Variants in IGF1R observed in about 807,000 individuals in gnomAD.
IGF1R encodes insulin like growth factor 1 receptor, also known as insulin-like growth factor 1 receptor.
In IGF1R, 44 loss-of-function variants were observed where a neutral mutation model predicts 144.6. The observed-to-expected ratio is 0.30, with a 90% confidence interval of 0.24 to 0.39. The LOEUF is 0.39. IGF1R is among the 10% of genes least tolerant of loss of function. IGF1R has a pLI of 1.00. For synonymous variants in IGF1R, 795 were observed against 722.8 expected, an observed-to-expected ratio of 1.10 and a Z score of -1.60; for missense variants, 1,355 against 1,833.7, an observed-to-expected ratio of 0.74 and a Z score of 4.77.
chr15:98,674,960 A>C (rs1467838289), intron 1 of IGF1R, among the ~76,000 whole-genome samples: 11 of 148,694 alleles, frequency 7.4e-5, no homozygotes, highest in Non-Finnish European at 1.5e-4. Flanking sequence ...ATAAATGCTA[A>C]ATTTAGGTAT....
intron 2 of IGF1R, among the ~76,000 whole-genome samples, chr15:98,732,398 T>C (rs923421235): frequency 2.0e-5 from 3 of 152,188 alleles, no homozygotes; most frequent in African/African-American, 7.2e-5. Flanking sequence ...TGGCCCTGTC[T>C]GCCTTCCCTA....
intron 2 of IGF1R, among the ~76,000 whole-genome samples, chr15:98,741,163 T>C (rs936123193): frequency 1.3e-4 from 20 of 152,008 alleles, no homozygotes; most frequent in Admixed American, 3.3e-4. Context: ...CGTGTTGACA[T>C]GTCCATTTTC....
At chr15:98,852,344 C>G (rs1035894397) in intron 2 of IGF1R, among the ~76,000 whole-genome samples, 10 of 152,158 alleles carry the variant, frequency 6.6e-5, no homozygotes, top group African/African-American at 2.4e-4. Context: ...GAGCGGGCAC[C>G]CCGCGCCCGC....
intron 19 of IGF1R, among the ~76,000 whole-genome samples, chr15:98,944,086 T>G (rs997485985): frequency 6.6e-6 from 1 of 152,172 alleles, no homozygotes; most frequent in Non-Finnish European, 1.5e-5. Context: ...GCATGGTGTT[T>G]AGAGATTGGG....
At chr15:98,756,876 A>C (rs961246322) in intron 2 of IGF1R, among the ~76,000 whole-genome samples, 4 of 152,066 alleles carry the variant, frequency 2.6e-5, no homozygotes, top group African/African-American at 9.7e-5. Context: ...ATTACTTAGA[A>C]GTATGTCTGT....
chr15:98,773,149 A>C (rs1415863970), intron 2 of IGF1R, among the ~76,000 whole-genome samples: 1 of 152,140 alleles, frequency 6.6e-6, no homozygotes, highest in Non-Finnish European at 1.5e-5. Flanking sequence ...TACTGTACTC[A>C]GTTCTTTTTT....
intron 2 of IGF1R, among the ~76,000 whole-genome samples, chr15:98,713,530 G>C (rs1055631828): frequency 1.3e-5 from 2 of 152,170 alleles, no homozygotes; most frequent in Admixed American, 1.3e-4. Context: ...ATGATTCCAG[G>C]CCAAAGATGA....
chr15:98,886,906 G>T (rs914632382), intron 2 of IGF1R, among the ~76,000 whole-genome samples: 3 of 152,210 alleles, frequency 2.0e-5, no homozygotes, highest in Non-Finnish European at 2.9e-5. Context: ...GGGGAGCATG[G>T]TGTCCGTCTC....
At chr15:98,671,396 A>G (rs565102103) in intron 1 of IGF1R, among the ~76,000 whole-genome samples, 14 of 152,280 alleles carry the variant, frequency 9.2e-5, no homozygotes, top group African/African-American at 3.4e-4. Flanking sequence ...TGCAGAAACC[A>G]TGGGCTATCA....
intron 2 of IGF1R, among the ~76,000 whole-genome samples, chr15:98,736,300 T>C (rs915513924): frequency 9.2e-5 from 14 of 152,232 alleles, no homozygotes; most frequent in African/African-American, 3.4e-4. Flanking sequence ...ATATTATCAA[T>C]TTAACAGCAT....
chr15:98,834,404 T>A (rs1301776942), intron 2 of IGF1R, among the ~76,000 whole-genome samples: 1 of 152,202 alleles, frequency 6.6e-6, no homozygotes, highest in Admixed American at 6.5e-5. Flanking sequence ...TTCAGCAATA[T>A]CATCAGAGCT....
intron 1 of IGF1R, among the ~76,000 whole-genome samples, chr15:98,695,922 T>C (rs1031134611): frequency 5.9e-5 from 9 of 152,000 alleles, no homozygotes; most frequent in African/African-American, 2.2e-4. Flanking sequence ...CACTGACTTA[T>C]CTCTCTTAAT....
chr15:98,724,238 C>A (rs905767813), intron 2 of IGF1R, among the ~76,000 whole-genome samples: 1 of 152,166 alleles, frequency 6.6e-6, no homozygotes. Context: ...GAACCAAGAA[C>A]CTGTGAGCTT....
chr15:98,922,895 T>C (rs2015551127), intron 11 of IGF1R, among the ~76,000 whole-genome samples: 1 of 152,180 alleles, frequency 6.6e-6, no homozygotes, highest in African/African-American at 2.4e-5. Context: ...GGCTTTCCCT[T>C]GTTGTTAGAC....
chr15:98,848,930 A>G (rs2011443861), intron 2 of IGF1R, among the ~76,000 whole-genome samples: 2 of 152,268 alleles, frequency 1.3e-5, no homozygotes, highest in African/African-American at 4.8e-5. Context: ...GACAACTGGA[A>G]TAAATGGAAA....
rs76013292 is a variant in IGF1R at position 98,861,454 on chromosome 15, C to G, written c.641-29871C>G. ...TGCTCCTTAGTGTTCATAACCCCAACCTCCATGGCCTCTCTCGCAGTTCTC... is the reference window on the plus strand; with the variant it reads ...TGCTCCTTAGTGTTCATAACCCCAAGCTCCATGGCCTCTCTCGCAGTTCTC... On this transcript the variant is annotated intron_variant, in intron 2 of 20. Coordinates refer to ENST00000650285, the MANE Select transcript of IGF1R (RefSeq NM_000875.5). Among the ~76,000 whole-genome samples, 219 of 152,294 alleles carry G rather than the reference C, an allele frequency of 1.4e-3. 3 individuals are homozygous for G. In the East Asian group the frequency reaches 0.038, roughly 26 times the overall value.
At chr15:98,884,594 G>A (rs2013544533) in intron 2 of IGF1R, among the ~76,000 whole-genome samples, 1 of 145,826 alleles carries the variant, frequency 6.9e-6, no homozygotes, top group African/African-American at 2.5e-5. Flanking sequence ...CAGGAGAATG[G>A]CAAGAATCCG....
intron 2 of IGF1R, among the ~76,000 whole-genome samples, chr15:98,779,830 CAG>C (rs2055811900): frequency 6.6e-6 from 1 of 152,132 alleles, no homozygotes; most frequent in Non-Finnish European, 1.5e-5. Context: ...CCTGTTGGCA[CAG>C]GGGTGAAGAT....
intron 15 of IGF1R, among the ~76,000 whole-genome samples, chr15:98,930,886 A>G (rs1173667785): frequency 6.6e-6 from 1 of 152,144 alleles, no homozygotes; most frequent in East Asian, 1.9e-4. Flanking sequence ...GGTGATCCTC[A>G]ATGGTTATTT....
Sources: allele counts gnomAD v4.1 joint callset (sites outside exome capture counted in the v4.1 genomes callset), GRCh38; gene constraint gnomAD v4.1.1; transcripts MANE v1.5; gene names NCBI Gene and HGNC (gene_info 2026-07-23, HGNC 2026-07-21).